Variants in LRP1 observed in about 807,000 individuals in gnomAD.
The protein encoded by LRP1 is prolow-density lipoprotein receptor-related protein 1.
Under a neutral mutation model 541.5 loss-of-function variants are expected in LRP1, and 51 were observed. The ratio of observed to expected loss-of-function variants is 0.09; its 90% CI spans 0.08 to 0.12. The LOEUF (loss-of-function observed/expected upper bound fraction) is 0.12, where lower values mean the gene tolerates loss of function less well. LRP1 is among the 10% of genes least tolerant of loss of function. The probability of loss-of-function intolerance (pLI) is 1.00; values close to 1 mark genes in which losing one functional copy is unlikely to be tolerated. For synonymous variants in LRP1, 2,219 were observed against 2,470.8 expected (o/e 0.90, Z 3.02); for missense variants, 3,878 against 6,376.2 (o/e 0.61, Z 13.34).
chr12:57,132,170 T>G (rs1452835499), intron 1 of LRP1: 1 of 152,328 alleles, frequency 6.6e-6, no homozygotes, highest in African/African-American at 2.4e-5. Context: ...GATTTCAGCC[T>G]GGTTAGCAGG....
rs1318166669 is a variant in LRP1 at position 57,204,979 on chromosome 12, C to T, written c.11195-130C>T. ...GGTCTTGGAGGTGGGGCTGGGAACC[C>T]AAATGTTTGACCTGCTCCCCCTGCA... On this transcript the variant is annotated intron_variant, in intron 72 of 88. Coordinates refer to ENST00000243077, the MANE Select transcript of LRP1 (RefSeq NM_002332.3). This position sits in a 1 kb window ranked among gnomAD's most constrained non-coding sequence, Gnocchi z 5.3. 22 of 1,431,384 alleles carry T rather than the reference C, an allele frequency of 1.5e-5. No homozygotes were observed. Among genetic ancestry groups the T allele is most frequent in the Non-Finnish European group, 2.1e-5 (22 of 1,058,606 alleles). 88.7% of individuals were successfully genotyped at this position (1,431,384 alleles called of 1,614,324 possible). A position where few individuals can be genotyped will look rare whatever the true frequency, so the allele number is the denominator to read the frequency against.
At position 57,211,531 on chromosome 12, in the gene LRP1, G is replaced by A; in HGVS notation, c.13136G>A (p.Gly4379Asp). 1 of 1,614,062 alleles carries A rather than the reference G, an allele frequency of 6.2e-7. No individual in the cohort carries two copies. The highest frequency in any genetic ancestry group is 8.5e-7 in the Non-Finnish European group (1 of 1,180,048). ...RVAPSCLTCV[G>D]HCSNGGSCTM... The stretch of plus-strand genomic sequence containing the variant: ...GCCCCCAGCTGTCTGACCTGCGTCG[G>A]CCACTGCAGCAATGGCGGCTCCTGT... The change falls in exon 85 of 89, where the codon GGC becomes GAC. Residue 4379 changes from glycine to aspartate, a missense_variant. Gly to Asp is a moderately conservative substitution (Grantham distance 94). Transcript: ENST00000243077. This position sits in a 1 kb window ranked among gnomAD's most constrained non-coding sequence, Gnocchi z 4.3.
At chr12:57,192,470 A>G (rs2036434103) in intron 44 of LRP1, among the ~76,000 whole-genome samples, 1 of 152,110 alleles carries the variant, frequency 6.6e-6, no homozygotes, top group African/African-American at 2.4e-5. Context: ...AGTGGGCACG[A>G]GTACATGCCC....
At chr12:57,193,735 AC>A (rs1428612059) in intron 47 of LRP1, 50 bp downstream of exon 47, 1 of 1,613,266 alleles carries the variant, frequency 6.2e-7, no homozygotes. Flanking sequence ...TTCCTGCCCC[AC>A]CCCTCCCTGG....
intron 3 of LRP1, among the ~76,000 whole-genome samples, chr12:57,143,243 G>T (rs940473733): frequency 1.3e-5 from 2 of 152,190 alleles, no homozygotes; most frequent in African/African-American, 4.8e-5. Context: ...GCCAGAGCTG[G>T]GATCCTGTGG....
chr12:57,205,061 A>G lies in LRP1; in HGVS notation c.11195-48A>G, dbSNP rs1385077478. 2 of 1,566,864 alleles carry G rather than the reference A, an allele frequency of 1.3e-6. No homozygotes were observed. The highest frequency in any genetic ancestry group is 3.7e-5 in the Admixed American group (2 of 54,002). On this transcript the variant is annotated intron_variant, in intron 72 of 88. Transcript: ENST00000243077. This position sits in a 1 kb window ranked among gnomAD's most constrained non-coding sequence, Gnocchi z 4.6. ...TTATCTATGGGGTTGCCGTGGGAGGAGGAGGCAGGGGAGAATACCCAGGGC... is the reference window on the plus strand; with the variant it reads ...TTATCTATGGGGTTGCCGTGGGAGGGGGAGGCAGGGGAGAATACCCAGGGC...
At chr12:57,209,385 C>T (rs761034311) in intron 79 of LRP1, among the ~76,000 whole-genome samples, 186 bp downstream of exon 79, 1 of 152,260 alleles carries the variant, frequency 6.6e-6, no homozygotes, top group African/African-American at 2.4e-5. Flanking sequence ...TGAGACCCAC[C>T]CTGACCCTCT....
intron 20 of LRP1, among the ~76,000 whole-genome samples, chr12:57,170,322 A>G (rs1240091210): frequency 6.6e-6 from 1 of 152,250 alleles, no homozygotes; most frequent in Non-Finnish European, 1.5e-5. Flanking sequence ...GATAGGACTA[A>G]TATCTTTTTA....
rs1042254984 is a variant in LRP1 at position 57,154,730 on chromosome 12, G to C, written c.1227+29G>C. ...AGGGAGCTACTGTCTGAGGTTTTGT[G>C]GGGGAACCATGATCCAGGGCCTTCT... On this transcript the variant is annotated intron_variant, in intron 8 of 88. Transcript: ENST00000243077. The surrounding 1 kb of genome is among the most constrained non-coding windows in gnomAD (Gnocchi z 4.6). The C allele has an allele frequency of 2.6e-6, 4 of 1,544,838 alleles. No individual in the cohort carries two copies. The highest frequency in any genetic ancestry group is 1.7e-4 in the Middle Eastern group (1 of 5,970).
intron 1 of LRP1, among the ~76,000 whole-genome samples, chr12:57,136,000 T>A (rs1592599274): frequency 6.6e-6 from 1 of 151,788 alleles, no homozygotes; most frequent in African/African-American, 2.4e-5. Flanking sequence ...GGCACGGGGG[T>A]CTGTTTCTGG....
chr12:57,154,405 G>T lies in LRP1; in HGVS notation c.1004+35G>T, dbSNP rs1357282005. On this transcript the variant is annotated intron_variant, in intron 7 of 88. Transcript: ENST00000243077. This position sits in a 1 kb window ranked among gnomAD's most constrained non-coding sequence, Gnocchi z 4.6. ...GCAGGCGGGGTTCTGGCCCTGGAAG[G>T]TGGGAGGCTGAGGCTACAGTGGTAA... is the stretch of plus-strand genomic sequence containing the variant. The T allele has an allele frequency of 6.2e-7, 1 of 1,602,918 alleles. No homozygotes were observed. The highest frequency in any genetic ancestry group is 8.5e-7 in the Non-Finnish European group (1 of 1,171,622).
intron 2 of LRP1, among the ~76,000 whole-genome samples, chr12:57,139,243 C>T (rs972686934): frequency 2.6e-5 from 4 of 152,070 alleles, no homozygotes; most frequent in African/African-American, 4.8e-5. Flanking sequence ...AGGGTCAAAG[C>T]GCCCCTGCAT....
intron 1 of LRP1, among the ~76,000 whole-genome samples, chr12:57,136,840 G>C (rs2035180710): frequency 6.6e-6 from 1 of 152,214 alleles, no homozygotes; most frequent in Non-Finnish European, 1.5e-5. Context: ...CTGTGAAATG[G>C]TGGTATTAGT....
At chr12:57,130,626 T>A (rs570318566) in intron 1 of LRP1, among the ~76,000 whole-genome samples, 41 of 151,340 alleles carry the variant, frequency 2.7e-4, no homozygotes, top group African/African-American at 9.0e-4. Flanking sequence ...AGAAAAAAAA[T>A]TTGAGAGAGA....
chr12:57,174,776 C>T (rs958840851), intron 22 of LRP1, among the ~76,000 whole-genome samples: 5 of 152,136 alleles, frequency 3.3e-5, no homozygotes, highest in African/African-American at 7.2e-5. Context: ...AACAAACAAA[C>T]AGGCAAGGGG....
Position 57,204,881 on chromosome 12 carries a change from C to A in LRP1, c.11194+132C>A. 2.1e-6 allele frequency: 3 copies of A among 1,438,738 alleles called. No homozygotes were observed. Among genetic ancestry groups the A allele is most frequent in the Non-Finnish European group, 2.8e-6 (3 of 1,064,380 alleles). The allele number at this position is 1,438,738 out of a possible 1,614,324, so 89.1% of individuals were successfully genotyped here. On this transcript the variant is annotated intron_variant, in intron 72 of 88. Coordinates refer to ENST00000243077, the MANE Select transcript of LRP1 (RefSeq NM_002332.3). This position sits in a 1 kb window ranked among gnomAD's most constrained non-coding sequence, Gnocchi z 5.3. ...CGCCCAGGAAGGGGAGGATCCATTGCTAGGAGCCTGGGGGCTTTTCGTTAG... is the reference window on the plus strand; with the variant it reads ...CGCCCAGGAAGGGGAGGATCCATTGATAGGAGCCTGGGGGCTTTTCGTTAG...
At position 57,193,285 on chromosome 12, in the gene LRP1, T is replaced by C. The variant is rs371867460; in HGVS notation, c.7665T>C (p.Asp2555=). 3.1e-6 allele frequency: 5 copies of C among 1,612,942 alleles called. No individual in the cohort carries two copies. The highest frequency in any genetic ancestry group is 1.3e-5 in the African/African-American group (1 of 74,940). Reference sequence around the variant, plus strand: ...TCCCCCACTGCAAGGACAAGTCCGATGAGAAGCCATCCTACTGCAGTAAGG... The same window carrying C: ...TCCCCCACTGCAAGGACAAGTCCGACGAGAAGCCATCCTACTGCAGTAAGG... ...DGVPHCKDKS[D]EKPSYCNSRR... Residue 2555 remains aspartate, a synonymous_variant, in exon 46 of 89, where the codon GAT becomes GAC. Transcript: ENST00000243077.
At chr12:57,137,861 C>A (rs548303849) in intron 1 of LRP1, among the ~76,000 whole-genome samples, 1 of 152,064 alleles carries the variant, frequency 6.6e-6, no homozygotes, top group Admixed American at 6.6e-5. Flanking sequence ...TCCTGCCCAG[C>A]CTTGCCCTCC....
intron 80 of LRP1, 33 bp downstream of exon 80, chr12:57,209,901 G>A (rs2036869356): frequency 1.2e-6 from 2 of 1,607,898 alleles, no homozygotes; most frequent in Non-Finnish European, 1.7e-6. Flanking sequence ...GCTGGGGAAG[G>A]GAGGCCTGTG....
Sources: gnomAD v4.1 joint callset for allele counts (sites outside exome capture counted in the v4.1 genomes callset) on GRCh38, gnomAD v4.1.1 for gene constraint, Gnocchi (gnomAD v3.1) non-coding constraint, MANE v1.5 for transcripts, NCBI Gene and HGNC (gene_info 2026-07-23, HGNC 2026-07-21) for gene names.